PDS5B: variants seen among roughly 807,000 people sequenced by gnomAD.
PDS5B encodes the protein PDS5 cohesin associated factor B.
PDS5B carries 51 observed loss-of-function variants against 184.1 expected under a neutral mutation model. That is an observed-to-expected ratio of 0.28 (90% CI 0.22 to 0.35). The LOEUF (loss-of-function observed/expected upper bound fraction) is 0.35. Among genes scored for constraint, PDS5B ranks in the 10% least tolerant of loss-of-function variants. The probability of loss-of-function intolerance (pLI) is 1.00; values close to 1 mark genes in which losing one functional copy is unlikely to be tolerated. For synonymous variants in PDS5B, 566 were observed against 569.2 expected (o/e 0.99, Z 0.08); for missense variants, 1,180 against 1,723.3 (o/e 0.68, Z 5.58).
chr13:32,644,787 C>T (rs2140638333), intron 1 of PDS5B, among the ~76,000 whole-genome samples: 1 of 152,156 alleles, frequency 6.6e-6, no homozygotes, highest in African/African-American at 2.4e-5. Context: ...GTTGAATTTA[C>T]CAAATTTTTC....
chr13:32,725,569 C>A (rs1272763305), intron 19 of PDS5B, among the ~76,000 whole-genome samples: 1 of 152,080 alleles, frequency 6.6e-6, no homozygotes, highest in Non-Finnish European at 1.5e-5. Context: ...GTACTAATTG[C>A]TAATGTATAA....
chr13:32,758,839 T>G (rs1435330005), intron 28 of PDS5B, among the ~76,000 whole-genome samples, 186 bp downstream of exon 28: 4 of 152,126 alleles, frequency 2.6e-5, no homozygotes, highest in African/African-American at 9.7e-5. Context: ...GATGATCTGG[T>G]GTTTATGTTC....
At chr13:32,748,031 A>G (rs1340283345) in intron 24 of PDS5B, among the ~76,000 whole-genome samples, 1 of 152,210 alleles carries the variant, frequency 6.6e-6, no homozygotes, top group Non-Finnish European at 1.5e-5. Flanking sequence ...TGAAAGTTCA[A>G]ATGGCCTAAA....
chr13:32,769,272 T>G (rs1224100595), intron 31 of PDS5B, among the ~76,000 whole-genome samples: 2 of 152,194 alleles, frequency 1.3e-5, no homozygotes, highest in African/African-American at 2.4e-5. Context: ...AGGATGTAAT[T>G]AGGCAGTTCA....
intron 7 of PDS5B, among the ~76,000 whole-genome samples, chr13:32,669,539 GAAAA>G (rs1950881517): frequency 6.6e-6 from 1 of 151,826 alleles, no homozygotes; most frequent in East Asian, 1.9e-4. Flanking sequence ...GTTAAATAAA[GAAAA>G]AAAGGCTGAG....
intron 1 of PDS5B, among the ~76,000 whole-genome samples, chr13:32,623,423 A>G (rs76097963): frequency 0.039 from 5,933 of 152,290 alleles, 157 homozygotes; most frequent in Middle Eastern, 0.078. Flanking sequence ...TGTGTTCGTT[A>G]TACAAAGTCG....
intron 12 of PDS5B, 42 bp from the exon 13 acceptor site, chr13:32,688,414 T>G: frequency 2.0e-6 from 2 of 982,522 alleles, no homozygotes; most frequent in South Asian, 1.5e-5. Flanking sequence ...CTTTAGAACA[T>G]TAGAAAAAAA....
At position 32,750,991 on chromosome 13, in the gene PDS5B, G is replaced by A. The variant is rs1953962838; in HGVS notation, c.2737-2341G>A. On this transcript the variant is annotated intron_variant, in intron 24 of 34. Coordinates refer to ENST00000315596, the MANE Select transcript of PDS5B (RefSeq NM_015032.4). ...GATTATTTCATCACACAGGTGATAAGCATAGTACCCAAAAGGTAGTTTTTC... is the reference window on the plus strand; with the variant it reads ...GATTATTTCATCACACAGGTGATAAACATAGTACCCAAAAGGTAGTTTTTC... 3.3e-5 allele frequency among the ~76,000 whole-genome samples: 5 copies of A among 152,048 alleles called. No individual in the cohort carries two copies. The South Asian group carries it at 8.3e-4, about 25-fold the overall frequency.
intron 1 of PDS5B, among the ~76,000 whole-genome samples, chr13:32,616,904 T>C (rs1419507673): frequency 6.6e-6 from 1 of 152,232 alleles, no homozygotes; most frequent in African/African-American, 2.4e-5. Context: ...TTTCCTTCTT[T>C]TCCTGATTTT....
chr13:32,669,124 A>G (rs914604182), intron 7 of PDS5B, among the ~76,000 whole-genome samples: 23 of 152,142 alleles, frequency 1.5e-4, no homozygotes, highest in African/African-American at 5.5e-4. Flanking sequence ...GCTTAGTGGC[A>G]CTTGAAGTGT....
At chr13:32,706,186 G>A (rs530529225) in intron 17 of PDS5B, among the ~76,000 whole-genome samples, 21 of 152,008 alleles carry the variant, frequency 1.4e-4, no homozygotes, top group Admixed American at 2.6e-4. Context: ...GCTGAGGCAG[G>A]AGAATTGTTT....
intron 19 of PDS5B, among the ~76,000 whole-genome samples, chr13:32,730,554 G>A (rs879135616): frequency 2.0e-5 from 3 of 152,084 alleles, no homozygotes; most frequent in South Asian, 2.1e-4. Flanking sequence ...CCATTTTCAC[G>A]ACATTGGTTC....
In PDS5B at chr13:32,667,861, A is replaced by G. The variant is rs747055929; in HGVS notation, c.705+17A>G. 7.0e-7 allele frequency: 1 copy of G among 1,437,806 alleles called. No individual in the cohort carries two copies. Among genetic ancestry groups the G allele is most frequent in the South Asian group, 1.3e-5 (1 of 78,120 alleles). 89.1% of individuals were successfully genotyped at this position (1,437,806 alleles called of 1,614,324 possible). ...ATTACCAATGTAAGTCTTACTTGTA[A>G]TTGGTTGTCAGAAGGATTAAACTGA... On this transcript the variant is annotated intron_variant, in intron 7 of 34. Coordinates refer to ENST00000315596, the MANE Select transcript of PDS5B (RefSeq NM_015032.4).
chr13:32,586,569 G>A lies in PDS5B; in HGVS notation c.-44G>A, dbSNP rs561347145. 5 of 152,450 alleles carry A rather than the reference G, an allele frequency of 3.3e-5. No individual in the cohort carries two copies. The highest frequency in any genetic ancestry group is 2.0e-4 in the Admixed American group (3 of 15,272). The allele number at this position is 152,450 out of a possible 1,614,324, so 9.4% of individuals were successfully genotyped here. On this transcript the variant is annotated 5_prime_UTR_variant, in exon 1 of 35. Transcript: ENST00000315596. ...GATCCCGGAGAGCCCCGGAGTGAGC[G>A]GAGTAGCGAGTCGGCAACCCGGAGG...
At chr13:32,645,429 A>G (rs1263811834) in intron 1 of PDS5B, among the ~76,000 whole-genome samples, 2 of 152,248 alleles carry the variant, frequency 1.3e-5, no homozygotes, top group African/African-American at 4.8e-5. Flanking sequence ...AGGACTCACT[A>G]GTAAAGCCAT....
intron 31 of PDS5B, among the ~76,000 whole-genome samples, chr13:32,766,006 A>T (rs1252375706): frequency 6.6e-6 from 1 of 152,250 alleles, no homozygotes; most frequent in Non-Finnish European, 1.5e-5. Flanking sequence ...TTAAGAATTG[A>T]TCACTTAGCT....
chr13:32,746,632 T>A (rs950846702), intron 24 of PDS5B, among the ~76,000 whole-genome samples: 34 of 152,210 alleles, frequency 2.2e-4, no homozygotes, highest in African/African-American at 8.2e-4. Context: ...ATGCTTGTGC[T>A]TTGAAACACC....
At chr13:32,725,498 G>C (rs79157936) in intron 19 of PDS5B, among the ~76,000 whole-genome samples, 1 of 152,086 alleles carries the variant, frequency 6.6e-6, no homozygotes, top group Non-Finnish European at 1.5e-5. Flanking sequence ...CCAATTCTCC[G>C]AGGGGCTCTG....
intron 1 of PDS5B, among the ~76,000 whole-genome samples, chr13:32,626,881 T>A (rs914492746): frequency 6.6e-6 from 1 of 152,246 alleles, no homozygotes; most frequent in Admixed American, 6.5e-5. Flanking sequence ...TCCCTTTTTA[T>A]GCTTAAATAG....
Sources: gnomAD v4.1 joint callset for allele counts (sites outside exome capture counted in the v4.1 genomes callset) on GRCh38, gnomAD v4.1.1 for gene constraint, MANE v1.5 for transcripts, NCBI Gene and HGNC (gene_info 2026-07-23, HGNC 2026-07-21) for gene names.